Variants in HECTD4 observed in about 807,000 individuals in gnomAD.
The protein encoded by HECTD4 is probable E3 ubiquitin-protein ligase HECTD4.
Under a neutral mutation model 471.5 loss-of-function variants are expected in HECTD4, and 114 were observed. The observed-to-expected ratio is 0.24, with a 90% confidence interval of 0.21 to 0.28. The LOEUF (loss-of-function observed/expected upper bound fraction) is 0.28, where lower values mean the gene tolerates loss of function less well. Among genes scored for constraint, HECTD4 ranks in the 10% least tolerant of loss-of-function variants. The probability of loss-of-function intolerance (pLI) is 1.00; values close to 1 mark genes in which losing one functional copy is unlikely to be tolerated. For synonymous variants in HECTD4, 2,012 were observed against 2,256.0 expected, an observed-to-expected ratio of 0.89 and a Z score of 3.07; for missense variants, 3,866 against 5,651.5, an observed-to-expected ratio of 0.68 and a Z score of 10.13.
chr12:112,209,608 G>A (rs1405182927), intron 50 of HECTD4, among the ~76,000 whole-genome samples: 1 of 152,238 alleles, frequency 6.6e-6, no homozygotes, highest in Non-Finnish European at 1.5e-5. Flanking sequence ...TTACAGGCAT[G>A]AGCCACCTCA....
At chr12:112,363,295 G>A (rs1001590394) in intron 1 of HECTD4, among the ~76,000 whole-genome samples, 4 of 151,130 alleles carry the variant, frequency 2.6e-5, no homozygotes, top group Non-Finnish European at 5.9e-5. Flanking sequence ...TATATATAAA[G>A]ATGAGGTCTT....
intron 1 of HECTD4, among the ~76,000 whole-genome samples, chr12:112,362,019 T>G (rs2036459251): frequency 6.6e-6 from 1 of 152,210 alleles, no homozygotes; most frequent in South Asian, 2.1e-4. Flanking sequence ...GATCAGAATT[T>G]GGGAGCACTC....
At chr12:112,165,262 A>G (rs1593883906) in intron 72 of HECTD4, among the ~76,000 whole-genome samples, 1 of 148,956 alleles carries the variant, frequency 6.7e-6, no homozygotes, top group East Asian at 2.0e-4. Context: ...GAGGCCTGAG[A>G]CCAATACCAG....
chr12:112,359,642 C>T (rs566864240), intron 1 of HECTD4, among the ~76,000 whole-genome samples: 1 of 152,224 alleles, frequency 6.6e-6, no homozygotes, highest in African/African-American at 2.4e-5. Flanking sequence ...TGGTCTTCAA[C>T]TTCTGGCCTC....
intron 10 of HECTD4, 72 bp downstream of exon 10, chr12:112,274,775 T>C (rs2034490980): frequency 2.2e-6 from 2 of 900,764 alleles, no homozygotes; most frequent in East Asian, 5.3e-5. Context: ...CACAGGGAAC[T>C]GGCAAGACAG....
chr12:112,295,144 A>AT (rs2034978566), intron 7 of HECTD4, among the ~76,000 whole-genome samples: 1 of 111,868 alleles, frequency 8.9e-6, no homozygotes, highest in Admixed American at 8.3e-5. Flanking sequence ...GTCTGAAAAA[A>AT]AAAAAGAGAG....
chr12:112,340,802 G>A (rs1044840695), intron 1 of HECTD4, among the ~76,000 whole-genome samples: 4 of 152,112 alleles, frequency 2.6e-5, no homozygotes, highest in African/African-American at 4.8e-5. Context: ...GCATAGGAAC[G>A]ATTCTATTCA....
At chr12:112,180,092 G>A (rs1475746358) in intron 62 of HECTD4, among the ~76,000 whole-genome samples, 1 of 152,210 alleles carries the variant, frequency 6.6e-6, no homozygotes, top group Non-Finnish European at 1.5e-5. Flanking sequence ...CAGCAGCCCA[G>A]GCCCCTCATT....
At chr12:112,225,344 AAG>A (rs2033205495) in intron 44 of HECTD4, among the ~76,000 whole-genome samples, 1 of 151,848 alleles carries the variant, frequency 6.6e-6, no homozygotes, top group Non-Finnish European at 1.5e-5. Context: ...AAAAAAAAAA[AAG>A]AGGATGAACC....
At chr12:112,346,417 A>G (rs906863926) in intron 1 of HECTD4, among the ~76,000 whole-genome samples, 17 of 152,220 alleles carry the variant, frequency 1.1e-4, no homozygotes, top group Admixed American at 2.0e-4. Flanking sequence ...TTTGGTACAT[A>G]CCAGCAATTC....
chr12:112,311,841 T>C (rs2035378386), intron 4 of HECTD4, among the ~76,000 whole-genome samples: 1 of 152,184 alleles, frequency 6.6e-6, no homozygotes, highest in South Asian at 2.1e-4. Context: ...AAGAAGTAAG[T>C]TGGAGCCGAT....
chr12:112,370,837 A>C (rs933918395), intron 1 of HECTD4, among the ~76,000 whole-genome samples: 7 of 152,182 alleles, frequency 4.6e-5, no homozygotes, highest in Non-Finnish European at 7.3e-5. Context: ...GATCAAAATA[A>C]AAGTTACACA....
At chr12:112,170,937 G>GT in intron 68 of HECTD4, 180 bp downstream of exon 68, 1 of 542,986 alleles carries the variant, frequency 1.8e-6, no homozygotes, top group Non-Finnish European at 3.2e-6. Context: ...TATAATTAAA[G>GT]TAACTTCCCT....
intron 70 of HECTD4, 62 bp downstream of exon 70, chr12:112,169,441 G>T: frequency 6.7e-7 from 1 of 1,499,178 alleles, no homozygotes. Flanking sequence ...TGGGCAGCTG[G>T]GGCTAAGGCT....
At position 112,252,274 on chromosome 12, in the gene HECTD4, A is replaced by G. The variant is rs914418064; in HGVS notation, c.3552+150T>C. The stretch of plus-strand genomic sequence containing the variant: ...AGTTTTATTCTGTAAAAGTACTACT[A>G]ACTGCTAGTAGTTGACTAGTGCCAA... On this transcript the variant is annotated intron_variant, in intron 23 of 75. Coordinates refer to ENST00000682272, the MANE Select transcript of HECTD4 (RefSeq NM_001388303.1). The G allele has an allele frequency of 9.1e-6, 6 of 662,070 alleles. No individual in the cohort carries two copies. The East Asian group carries it at 1.8e-4, about 20-fold the overall frequency. The allele number at this position is 662,070 out of a possible 1,614,324, so 41.0% of individuals were successfully genotyped here. A position where few individuals can be genotyped will look rare whatever the true frequency, so the allele number is the denominator to read the frequency against.
In HECTD4 at chr12:112,172,649, G is replaced by T. The variant is rs751156764; in HGVS notation, c.11785+22C>A. The stretch of plus-strand genomic sequence containing the variant: ...TGCCCGCATCAGGCAGCAGGGGAGG[G>T]GATAGGCCCAGGGCCACATACTCAG... On this transcript the variant is annotated intron_variant, in intron 67 of 75. Coordinates refer to ENST00000682272, the MANE Select transcript of HECTD4 (RefSeq NM_001388303.1). 5.6e-6 allele frequency: 9 copies of T among 1,610,388 alleles called. No individual in the cohort carries two copies. The Admixed American group carries it at 1.5e-4, about 27-fold the overall frequency.
rs780380700 is a variant in HECTD4 at position 112,176,715 on chromosome 12, G to A, written c.11364-13C>T. 1 of 1,582,906 alleles carries A rather than the reference G, an allele frequency of 6.3e-7. No homozygotes were observed. The highest frequency in any genetic ancestry group is 8.7e-7 in the Non-Finnish European group (1 of 1,151,668). ...TAAGGCAGTCCTGCTGTAGACCAAAGCACTGGAATTAGACTAATGCACGTT... is the reference window on the plus strand; with the variant it reads ...TAAGGCAGTCCTGCTGTAGACCAAAACACTGGAATTAGACTAATGCACGTT... On this transcript the variant is annotated splice_polypyrimidine_tract_variant and intron_variant, in intron 64 of 75. Transcript: ENST00000682272.
intron 64 of HECTD4, among the ~76,000 whole-genome samples, chr12:112,177,054 C>T (rs1272135994): frequency 6.6e-6 from 1 of 152,146 alleles, no homozygotes; most frequent in Admixed American, 6.5e-5. Context: ...TCCTGTTCAC[C>T]CTTGCCACAC....
intron 1 of HECTD4, among the ~76,000 whole-genome samples, chr12:112,379,554 C>T (rs2036850551): frequency 6.6e-6 from 1 of 151,990 alleles, no homozygotes; most frequent in Non-Finnish European, 1.5e-5. Context: ...ATTAGCCCGG[C>T]ATGGTGGTGT....
Sources: allele counts gnomAD v4.1 joint callset (sites outside exome capture counted in the v4.1 genomes callset), GRCh38; gene constraint gnomAD v4.1.1; transcripts MANE v1.5; gene names NCBI Gene and HGNC (gene_info 2026-07-23, HGNC 2026-07-21).